MAP2K1: variants seen among roughly 807,000 people sequenced by gnomAD.
MAP2K1 encodes dual specificity mitogen-activated protein kinase kinase 1.
Under a neutral mutation model 46.3 loss-of-function variants are expected in MAP2K1, and 16 were observed. The ratio of observed to expected loss-of-function variants is 0.35; its 90% CI spans 0.23 to 0.52. The LOEUF is 0.52. Among genes scored for constraint, MAP2K1 ranks in the 20% least tolerant of loss-of-function variants. MAP2K1 has a pLI of 0.94. For missense variants in MAP2K1, 263 were observed against 497.1 expected, an observed-to-expected ratio of 0.53 and a Z score of 4.48; for synonymous variants, 183 against 185.6, an observed-to-expected ratio of 0.99 and a Z score of 0.11.
intron 5 of MAP2K1, among the ~76,000 whole-genome samples, chr15:66,469,057 A>C (rs1002449283): frequency 6.6e-6 from 1 of 151,818 alleles, no homozygotes; most frequent in African/African-American, 2.4e-5. Flanking sequence ...GCAGTTCCAG[A>C]CCAGCCTGGC....
At chr15:66,475,438 C>G (rs1449775447) in intron 5 of MAP2K1, among the ~76,000 whole-genome samples, 1 of 152,190 alleles carries the variant, frequency 6.6e-6, no homozygotes. Context: ...CTGTGTCACT[C>G]TGCTTGCTTC....
At chr15:66,483,040 T>C (rs1299905617) in intron 6 of MAP2K1, among the ~76,000 whole-genome samples, 1 of 152,240 alleles carries the variant, frequency 6.6e-6, no homozygotes, top group African/African-American at 2.4e-5. Flanking sequence ...GTTCCCATTT[T>C]AGAGGTGAGG....
intron 5 of MAP2K1, among the ~76,000 whole-genome samples, chr15:66,470,500 G>C (rs1459665221): frequency 6.6e-6 from 1 of 152,194 alleles, no homozygotes; most frequent in African/African-American, 2.4e-5. Flanking sequence ...TGTCACGGAA[G>C]CAGGAAAACT....
At chr15:66,391,325 A>G (rs1020901693) in intron 1 of MAP2K1, among the ~76,000 whole-genome samples, 5 of 152,048 alleles carry the variant, frequency 3.3e-5, no homozygotes, top group African/African-American at 7.2e-5. Context: ...GTCTCGCTCT[A>G]TCGCCCAGGC....
At chr15:66,427,069 C>T (rs1397915083) in intron 1 of MAP2K1, among the ~76,000 whole-genome samples, 11 of 152,052 alleles carry the variant, frequency 7.2e-5, no homozygotes, top group Admixed American at 4.6e-4. Context: ...GCGTAAGTTC[C>T]GGCACTAGAA....
chr15:66,435,277 C>A (rs2140580371), intron 2 of MAP2K1, 40 bp downstream of exon 2: 1 of 1,529,284 alleles, frequency 6.5e-7, no homozygotes, highest in South Asian at 1.1e-5. Flanking sequence ...GATTATTTCT[C>A]AGGGTACTTA....
At chr15:66,420,896 CAT>C (rs1567003328) in intron 1 of MAP2K1, among the ~76,000 whole-genome samples, 2 of 105,530 alleles carry the variant, frequency 1.9e-5, no homozygotes, top group African/African-American at 7.0e-5. Context: ...TATATATACA[CAT>C]ACATACATAC....
intron 5 of MAP2K1, among the ~76,000 whole-genome samples, chr15:66,449,236 A>C (rs576476424): frequency 1.3e-5 from 2 of 152,348 alleles, no homozygotes; most frequent in African/African-American, 4.8e-5. Context: ...CAAAAATATT[A>C]TTATCAGATG....
At chr15:66,459,632 A>ATT (rs1555418219) in intron 5 of MAP2K1, among the ~76,000 whole-genome samples, 2 of 149,130 alleles carry the variant, frequency 1.3e-5, no homozygotes, top group Non-Finnish European at 3.0e-5. Flanking sequence ...AAAAAAAAAA[A>ATT]TTTTTTTTGT....
intron 1 of MAP2K1, among the ~76,000 whole-genome samples, chr15:66,427,000 C>T (rs1018989379): frequency 2.6e-5 from 4 of 152,176 alleles, no homozygotes; most frequent in Non-Finnish European, 5.9e-5. Flanking sequence ...ACGATGATCT[C>T]ATTTTGTTTT....
intron 8 of MAP2K1, among the ~76,000 whole-genome samples, chr15:66,487,702 G>GTA (rs1893089556): frequency 1.3e-5 from 2 of 152,154 alleles, no homozygotes; most frequent in African/African-American, 2.4e-5. Context: ...TAAGCACCAT[G>GTA]GGCTGTAGAA....
chr15:66,472,527 C>A (rs967590266), intron 5 of MAP2K1, among the ~76,000 whole-genome samples: 1 of 152,012 alleles, frequency 6.6e-6, no homozygotes, highest in Non-Finnish European at 1.5e-5. Flanking sequence ...ATCACCGTGG[C>A]CAGGTGACAG....
chr15:66,393,823 C>T (rs886450293), intron 1 of MAP2K1, among the ~76,000 whole-genome samples: 5 of 152,158 alleles, frequency 3.3e-5, no homozygotes, highest in African/African-American at 1.2e-4. Context: ...TCTCAAATAC[C>T]GTATGACTTG....
intron 5 of MAP2K1, among the ~76,000 whole-genome samples, chr15:66,457,579 C>T (rs28695183): frequency 0.28 from 42,152 of 152,066 alleles, 6,509 homozygotes; most frequent in South Asian, 0.37. Flanking sequence ...AATATTTACT[C>T]TCTGGTCCTT....
At chr15:66,473,225 A>C (rs1892681366) in intron 5 of MAP2K1, among the ~76,000 whole-genome samples, 1 of 152,164 alleles carries the variant, frequency 6.6e-6, no homozygotes, top group Non-Finnish European at 1.5e-5. Context: ...TCCAGCCTCA[A>C]CTTCCATATC....
chr15:66,483,802 C>G (rs1892971723), intron 6 of MAP2K1, among the ~76,000 whole-genome samples: 1 of 142,166 alleles, frequency 7.0e-6, no homozygotes, highest in South Asian at 2.2e-4. Context: ...GGCTGGAGTG[C>G]AGTGGTGCAA....
intron 5 of MAP2K1, among the ~76,000 whole-genome samples, chr15:66,467,966 TC>T (rs1892508246): frequency 6.6e-6 from 1 of 152,232 alleles, no homozygotes; most frequent in African/African-American, 2.4e-5. Context: ...ATATGAAATT[TC>T]TTGATCAAAA....
In MAP2K1 at chr15:66,485,154, C is replaced by T. The variant is rs2140675295; in HGVS notation, c.858C>T (p.Thr286=). 5.6e-6 allele frequency: 9 copies of T among 1,613,930 alleles called. No individual in the cohort carries two copies. Among genetic ancestry groups the T allele is most frequent in the African/African-American group, 5.3e-5 (4 of 75,014 alleles). ...GCQVEGDAAE[T]PPRPRTPGRP... is the part of the protein sequence containing the mutation. ...AGGTGGAAGGAGATGCGGCTGAGAC[C>T]CCACCCAGGCCAAGGACCCCCGGGA... The change falls in exon 7 of 11, where the codon ACC becomes ACT. Residue 286 remains threonine, a synonymous_variant. Coordinates refer to ENST00000307102, the MANE Select transcript of MAP2K1 (RefSeq NM_002755.4).
intron 1 of MAP2K1, among the ~76,000 whole-genome samples, chr15:66,416,008 C>G (rs1026845695): frequency 3.3e-5 from 5 of 152,182 alleles, no homozygotes; most frequent in Admixed American, 6.5e-5. Context: ...CACTCGCCTT[C>G]TAAACCTAAT....
Sources: allele counts gnomAD v4.1 joint callset (sites outside exome capture counted in the v4.1 genomes callset), GRCh38; gene constraint gnomAD v4.1.1; transcripts MANE v1.5; gene names NCBI Gene and HGNC (gene_info 2026-07-23, HGNC 2026-07-21).